AJAP1: variants seen among roughly 807,000 people sequenced by gnomAD.
The protein encoded by AJAP1 is adherens junctions associated protein 1.
A neutral mutation model predicts 35.0 loss-of-function variants in AJAP1; 5 were observed. That is an observed-to-expected ratio of 0.14 (90% CI 0.07 to 0.30). The LOEUF (loss-of-function observed/expected upper bound fraction) is 0.30. Ranked by LOEUF, AJAP1 falls within the 10% of genes least tolerant of loss-of-function variation. The pLI, the probability that AJAP1 is intolerant of heterozygous loss-of-function variation, is 1.00. For missense variants in AJAP1, 586 were observed against 571.0 expected (o/e 1.03, Z -0.27); for synonymous variants, 284 against 249.3 (o/e 1.14, Z -1.31).
chr1:4,683,886 C>G (rs1156247645), intron 1 of AJAP1, among the ~76,000 whole-genome samples: 1 of 152,172 alleles, frequency 6.6e-6, no homozygotes, highest in Non-Finnish European at 1.5e-5. Flanking sequence ...ATGCTTAGGG[C>G]AGGGGGCACT....
In AJAP1 at chr1:4,790,952, G is replaced by GTTTTTGT. The variant is rs776224160; in HGVS notation, c.*8471_*8472insTGTTTTT. The GTTTTTGT allele has an allele frequency of 1.5e-3, 193 of 131,988 alleles. No individual in the cohort carries two copies. Among genetic ancestry groups the GTTTTTGT allele is most frequent in the African/African-American group, 5.1e-3 (183 of 35,740 alleles). 8.2% of individuals were successfully genotyped at this position (131,988 alleles called of 1,614,324 possible). On this transcript the variant is annotated 3_prime_UTR_variant, in exon 6 of 6. Coordinates refer to ENST00000378191, the MANE Select transcript of AJAP1 (RefSeq NM_018836.4). ...TGTTTTTGTTTTTGTTTTTGTTTTTGTTTTGTTTAATTTCCTCTTCTGGCA... is the reference window on the plus strand; with the variant it reads ...TGTTTTTGTTTTTGTTTTTGTTTTTGTTTTTGTTTTTGTTTAATTTCCTCTTCTGGCA...
intron 2 of AJAP1, among the ~76,000 whole-genome samples, chr1:4,748,662 C>T (rs1476093944): frequency 4.0e-5 from 6 of 149,088 alleles, no homozygotes; most frequent in East Asian, 2.0e-4. Context: ...GCAGGAGAAT[C>T]GCTTAAACTG....
intron 2 of AJAP1, among the ~76,000 whole-genome samples, chr1:4,749,990 A>G (rs115343942): frequency 0.018 from 2,673 of 149,558 alleles, 72 homozygotes; most frequent in South Asian, 0.13. Flanking sequence ...GGGCATAGGT[A>G]TTTTCATGTC....
intron 2 of AJAP1, among the ~76,000 whole-genome samples, chr1:4,725,139 G>A (rs1640621668): frequency 6.6e-6 from 1 of 152,192 alleles, no homozygotes; most frequent in Non-Finnish European, 1.5e-5. Context: ...TGGTCCCTGG[G>A]TGTTGGGTGC....
chr1:4,772,534 G>T lies in AJAP1; in HGVS notation c.1163+9G>T. 1.9e-6 allele frequency: 3 copies of T among 1,613,238 alleles called. No individual in the cohort carries two copies. The highest frequency in any genetic ancestry group is 1.7e-6 in the Non-Finnish European group (2 of 1,179,492). On this transcript the variant is annotated intron_variant, in intron 4 of 5. Transcript: ENST00000378191. ...ACATTTAATGGAAACCGGTAAGCTCGGGCTCTGCTAGACCCTGCAGCTGTG... is the reference window on the plus strand; with the variant it reads ...ACATTTAATGGAAACCGGTAAGCTCTGGCTCTGCTAGACCCTGCAGCTGTG...
intron 1 of AJAP1, among the ~76,000 whole-genome samples, chr1:4,709,683 C>T (rs1407008595): frequency 1.3e-5 from 2 of 152,188 alleles, no homozygotes; most frequent in Non-Finnish European, 2.9e-5. Context: ...AACCTAAATT[C>T]GTCCTTGTGG....
intron 2 of AJAP1, among the ~76,000 whole-genome samples, chr1:4,742,295 A>T (rs976009308): frequency 6.6e-6 from 1 of 152,222 alleles, no homozygotes; most frequent in African/African-American, 2.4e-5. Context: ...GTCGCTGAGA[A>T]CACAGTACGG....
chr1:4,751,094 G>C (rs760736547), intron 2 of AJAP1, among the ~76,000 whole-genome samples: 1 of 151,956 alleles, frequency 6.6e-6, no homozygotes, highest in African/African-American at 2.4e-5. Flanking sequence ...ACAACCCCCA[G>C]TGCCTCTCGC....
chr1:4,742,690 C>T (rs1309666606), intron 2 of AJAP1, among the ~76,000 whole-genome samples: 1 of 152,130 alleles, frequency 6.6e-6, no homozygotes, highest in Non-Finnish European at 1.5e-5. Flanking sequence ...TCTCTTAAGT[C>T]ACTCTCTGCA....
intron 1 of AJAP1, among the ~76,000 whole-genome samples, chr1:4,658,788 G>A (rs1279667729): frequency 6.6e-6 from 1 of 152,184 alleles, no homozygotes; most frequent in Non-Finnish European, 1.5e-5. Flanking sequence ...TCCATGCATT[G>A]GAGAGGGGAG....
At chr1:4,731,269 C>T (rs1236928072) in intron 2 of AJAP1, among the ~76,000 whole-genome samples, 7 of 152,056 alleles carry the variant, frequency 4.6e-5, no homozygotes, top group Admixed American at 6.5e-5. Context: ...TTAGTAGAGA[C>T]GGAGTTTCAC....
At chr1:4,660,261 G>A (rs184765647) in intron 1 of AJAP1, among the ~76,000 whole-genome samples, 89 of 152,330 alleles carry the variant, frequency 5.8e-4, no homozygotes, top group African/African-American at 1.9e-3. Flanking sequence ...AATTATAGAC[G>A]TGGTACAATA....
At chr1:4,689,215 CAG>C (rs1639679333) in intron 1 of AJAP1, among the ~76,000 whole-genome samples, 1 of 152,198 alleles carries the variant, frequency 6.6e-6, no homozygotes, top group African/African-American at 2.4e-5. Flanking sequence ...AAAGAGGTTT[CAG>C]AGACAATTAC....
rs1640877891 is a variant in AJAP1, at chr1:4,734,741, A to C, written c.829+22042A>C. Reference sequence around the variant, plus strand: ...TGTCTTTCGGGTGTTCTTGGAAGGAAGGAGAAGGGCAGCACCCAAGAGGGG... The same window carrying C: ...TGTCTTTCGGGTGTTCTTGGAAGGACGGAGAAGGGCAGCACCCAAGAGGGG... On this transcript the variant is annotated intron_variant, in intron 2 of 5. Coordinates refer to ENST00000378191, the MANE Select transcript of AJAP1 (RefSeq NM_018836.4). This position sits in a 1 kb window ranked among gnomAD's most constrained non-coding sequence, Gnocchi z 4.3. 6.6e-6 allele frequency among the ~76,000 whole-genome samples: 1 copy of C among 152,136 alleles called. No homozygotes were observed. The highest frequency in any genetic ancestry group is 1.5e-5 in the Non-Finnish European group (1 of 68,008).
intron 2 of AJAP1, among the ~76,000 whole-genome samples, chr1:4,724,259 G>T (rs1038576416): frequency 6.6e-6 from 1 of 152,134 alleles, no homozygotes; most frequent in Non-Finnish European, 1.5e-5. Flanking sequence ...CAAGGAGAGG[G>T]GGCACTTGAG....
intron 2 of AJAP1, among the ~76,000 whole-genome samples, chr1:4,760,068 G>A (rs1641528827): frequency 6.6e-6 from 1 of 152,206 alleles, no homozygotes; most frequent in African/African-American, 2.4e-5. Flanking sequence ...AATGATAGCA[G>A]AAGTTCAGTG....
At position 4,720,400 on chromosome 1, in the gene AJAP1, G is replaced by A. The variant is rs1557625184; in HGVS notation, c.829+7701G>A. 6.6e-6 allele frequency among the ~76,000 whole-genome samples: 1 copy of A among 152,202 alleles called. No homozygotes were observed. The highest frequency in any genetic ancestry group is 2.4e-5 in the African/African-American group (1 of 41,454). ...AAGCCAAGTTTGTTGGAGGAACAGAGAGGCTGAAAATCTCCCTCCAGAGGT... is the reference window on the plus strand; with the variant it reads ...AAGCCAAGTTTGTTGGAGGAACAGAAAGGCTGAAAATCTCCCTCCAGAGGT... On this transcript the variant is annotated intron_variant, in intron 2 of 5. Transcript: ENST00000378191. The surrounding 1 kb of genome is among the most constrained non-coding windows in gnomAD (Gnocchi z 4.4).
chr1:4,733,996 C>T (rs530953481), intron 2 of AJAP1, among the ~76,000 whole-genome samples: 7 of 152,324 alleles, frequency 4.6e-5, no homozygotes, highest in South Asian at 2.1e-4. Flanking sequence ...GTGTGCGTCG[C>T]GAGCAGGGCC....
intron 3 of AJAP1, among the ~76,000 whole-genome samples, chr1:4,770,825 G>C (rs1001663591): frequency 1.1e-4 from 17 of 152,116 alleles, no homozygotes; most frequent in Non-Finnish European, 4.4e-5. Flanking sequence ...GGAGGGTGGG[G>C]GTAGCACAGC....
Sources: allele counts gnomAD v4.1 joint callset (sites outside exome capture counted in the v4.1 genomes callset), GRCh38; gene constraint gnomAD v4.1.1; non-coding constraint Gnocchi (gnomAD v3.1); transcripts MANE v1.5; gene names NCBI Gene and HGNC (gene_info 2026-07-23, HGNC 2026-07-21).